The following GALNTL6 variants were observed in gnomAD, a reference collection of about 807,000 sequenced individuals.
GALNTL6 encodes the protein polypeptide N-acetylgalactosaminyltransferase-like 6.
GALNTL6 carries 46 observed loss-of-function variants against 73.7 expected under a neutral mutation model. The observed-to-expected ratio is 0.62, with a 90% CI of 0.49 to 0.80. The LOEUF is 0.80. GALNTL6 is among the 30% of genes least tolerant of loss of function. GALNTL6 has a pLI of 0.00. For synonymous variants in GALNTL6, 259 were observed against 263.7 expected, an observed-to-expected ratio of 0.98 and a Z score of 0.17; for missense variants, 604 against 755.0, an observed-to-expected ratio of 0.80 and a Z score of 2.34.
At chr4:172,342,385 G>T (rs577238214) in intron 4 of GALNTL6, among the ~76,000 whole-genome samples, 33 of 152,256 alleles carry the variant, frequency 2.2e-4, no homozygotes, top group Non-Finnish European at 3.8e-4. Flanking sequence ...TACCTCCTGT[G>T]TAGGCTATAA....
rs1403342103 is a variant in GALNTL6 at position 172,527,678 on chromosome 4, C to T, written c.553+178989C>T. Among the ~76,000 whole-genome samples, 2 of 152,190 alleles carry T rather than the reference C, an allele frequency of 1.3e-5. 1 individual carries two copies. The highest frequency in any genetic ancestry group is 4.1e-4 in the South Asian group (2 of 4,830). On this transcript the variant is annotated intron_variant, in intron 5 of 12. Coordinates refer to ENST00000506823, the MANE Select transcript of GALNTL6 (RefSeq NM_001034845.3). ...TATTGCAGTGCTTTAGTCTTGGACA[C>T]ATAAGATCAATGCACTTACAAGTAT...
At chr4:172,827,335 C>T (rs1340690131) in intron 7 of GALNTL6, among the ~76,000 whole-genome samples, 2 of 152,142 alleles carry the variant, frequency 1.3e-5, no homozygotes, top group African/African-American at 2.4e-5. Context: ...GGCAAGAATT[C>T]CACCCTTTGC....
chr4:172,610,215 C>G (rs1738476379), intron 5 of GALNTL6, among the ~76,000 whole-genome samples: 1 of 151,728 alleles, frequency 6.6e-6, no homozygotes, highest in Non-Finnish European at 1.5e-5. Context: ...TTGATTATTT[C>G]TTGTCTTCTG....
At chr4:172,607,746 C>T (rs545333042) in intron 5 of GALNTL6, among the ~76,000 whole-genome samples, 5 of 152,274 alleles carry the variant, frequency 3.3e-5, no homozygotes, top group African/African-American at 1.2e-4. Context: ...TTTATAGCCT[C>T]ATCAGCATCT....
rs1021311791 is a variant in GALNTL6 at position 172,814,131 on chromosome 4, G to A, written c.923+408G>A. 5.3e-5 allele frequency among the ~76,000 whole-genome samples: 8 copies of A among 152,158 alleles called. No individual in the cohort carries two copies. The East Asian group carries it at 1.5e-3, about 29-fold the overall frequency. ...AAATTGATATAAAATATGAACCAGT[G>A]TTTAAGCCTACTTTCTATACCCTGT... is the stretch of plus-strand genomic sequence containing the variant. On this transcript the variant is annotated intron_variant, in intron 7 of 12. Transcript: ENST00000506823.
At chr4:171,940,299 A>AT (rs1738489880) in intron 2 of GALNTL6, among the ~76,000 whole-genome samples, 1 of 151,884 alleles carries the variant, frequency 6.6e-6, no homozygotes, top group Admixed American at 6.6e-5. Flanking sequence ...GTGGGTGGAA[A>AT]TGGGGAGGGG....
intron 7 of GALNTL6, among the ~76,000 whole-genome samples, chr4:172,852,742 A>C (rs1253825986): frequency 2.0e-5 from 3 of 152,222 alleles, no homozygotes; most frequent in Non-Finnish European, 2.9e-5. Flanking sequence ...ATTTTTCATT[A>C]GCACCTTGGT....
chr4:172,422,341 C>T (rs1470394681), intron 5 of GALNTL6, among the ~76,000 whole-genome samples: 1 of 151,858 alleles, frequency 6.6e-6, no homozygotes, highest in Non-Finnish European at 1.5e-5. Flanking sequence ...TGGTAATTCT[C>T]AGTCTTCCCT....
At chr4:172,256,666 C>T (rs1738088709) in intron 3 of GALNTL6, among the ~76,000 whole-genome samples, 1 of 151,308 alleles carries the variant, frequency 6.6e-6, no homozygotes, top group Non-Finnish European at 1.5e-5. Flanking sequence ...CTTTTCTCTA[C>T]CCAGAATATT....
At chr4:172,439,512 T>C (rs1204412349) in intron 5 of GALNTL6, among the ~76,000 whole-genome samples, 1 of 151,840 alleles carries the variant, frequency 6.6e-6, no homozygotes, top group East Asian at 1.9e-4. Context: ...GGTTTTGCTA[T>C]TGTCACTCTC....
chr4:172,580,067 G>A (rs577111663), intron 5 of GALNTL6, among the ~76,000 whole-genome samples: 1 of 152,064 alleles, frequency 6.6e-6, no homozygotes, highest in East Asian at 1.9e-4. Flanking sequence ...AGAATTACTT[G>A]GAATAATTAT....
At chr4:171,821,209 A>G (rs1015806248) in intron 2 of GALNTL6, among the ~76,000 whole-genome samples, 1 of 151,868 alleles carries the variant, frequency 6.6e-6, no homozygotes, top group Admixed American at 6.6e-5. Flanking sequence ...ATAACTTTTT[A>G]AAAAATTTTT....
chr4:171,932,442 CT>C (rs1738217642), intron 2 of GALNTL6, among the ~76,000 whole-genome samples: 1 of 152,154 alleles, frequency 6.6e-6, no homozygotes, highest in Non-Finnish European at 1.5e-5. Context: ...CTGTGAACAG[CT>C]GCACAGGGAA....
chr4:172,238,726 T>G (rs1737323078), intron 3 of GALNTL6, among the ~76,000 whole-genome samples: 1 of 152,186 alleles, frequency 6.6e-6, no homozygotes, highest in Non-Finnish European at 1.5e-5. Context: ...TGTATGATAT[T>G]GGTTATGGGC....
At chr4:172,958,305 G>A (rs1439283031) in intron 10 of GALNTL6, among the ~76,000 whole-genome samples, 1 of 152,184 alleles carries the variant, frequency 6.6e-6, no homozygotes, top group Admixed American at 6.5e-5. Context: ...AAAGCCTACA[G>A]GGTGCGGTCC....
intron 7 of GALNTL6, among the ~76,000 whole-genome samples, chr4:172,817,915 AC>A (rs781431845): frequency 7.5e-4 from 114 of 152,362 alleles, no homozygotes; most frequent in Admixed American, 2.1e-3. Flanking sequence ...TACTTGAGAT[AC>A]GAGGAATATC....
At chr4:172,339,561 TGAC>T (rs1308158902) in intron 4 of GALNTL6, among the ~76,000 whole-genome samples, 4 of 151,798 alleles carry the variant, frequency 2.6e-5, no homozygotes, top group Non-Finnish European at 5.9e-5. Context: ...TGCCGAAGAG[TGAC>T]TGACTCTGTA....
At chr4:172,663,167 G>C (rs545567888) in intron 5 of GALNTL6, among the ~76,000 whole-genome samples, 1 of 152,180 alleles carries the variant, frequency 6.6e-6, no homozygotes, top group Non-Finnish European at 1.5e-5. Context: ...GGTCTGTTCA[G>C]AGGTTTGTGT....
chr4:172,823,889 G>C (rs1172193129), intron 7 of GALNTL6, among the ~76,000 whole-genome samples: 2 of 152,142 alleles, frequency 1.3e-5, no homozygotes, highest in Non-Finnish European at 2.9e-5. Flanking sequence ...TTGATCTTCA[G>C]TTCTGTCCTT....
Sources: gnomAD v4.1 joint callset for allele counts (sites outside exome capture counted in the v4.1 genomes callset) on GRCh38, gnomAD v4.1.1 for gene constraint, MANE v1.5 for transcripts, NCBI Gene and HGNC (gene_info 2026-07-23, HGNC 2026-07-21) for gene names.